Variants in SYT10 observed in about 807,000 individuals in gnomAD.
The protein encoded by SYT10 is synaptotagmin 10.
Under a neutral mutation model 51.1 loss-of-function variants are expected in SYT10, and 31 were observed. The ratio of observed to expected loss-of-function variants is 0.61; its 90% CI spans 0.46 to 0.82. SYT10 has a LOEUF of 0.82. SYT10 is among the 40% of genes least tolerant of loss of function. The probability of loss-of-function intolerance (pLI) is 0.00; values close to 1 mark genes in which losing one functional copy is unlikely to be tolerated. For missense variants in SYT10, 603 were observed against 634.0 expected (o/e 0.95, Z 0.53); for synonymous variants, 233 against 225.9 (o/e 1.03, Z -0.28).
chr12:33,421,392 T>C (rs998715675), intron 2 of SYT10, among the ~76,000 whole-genome samples: 1 of 152,198 alleles, frequency 6.6e-6, no homozygotes, highest in Admixed American at 6.5e-5. Context: ...TAATTCCTCA[T>C]CCTCAACAAA....
intron 2 of SYT10, among the ~76,000 whole-genome samples, chr12:33,422,471 C>T (rs1866513572): frequency 6.6e-6 from 1 of 152,052 alleles, no homozygotes; most frequent in African/African-American, 2.4e-5. Flanking sequence ...TAACACTTAC[C>T]CACAGAACTC....
intron 2 of SYT10, chr12:33,424,123 T>C: frequency 2.9e-6 from 1 of 345,792 alleles, no homozygotes; most frequent in Middle Eastern, 3.9e-4. Context: ...ATATATACAA[T>C]CTAACTTTTA....
chr12:33,393,792 A>G (rs1866230495), intron 3 of SYT10, among the ~76,000 whole-genome samples: 1 of 152,106 alleles, frequency 6.6e-6, no homozygotes, highest in Admixed American at 6.5e-5. Context: ...TGAGCACTCT[A>G]TCTAGGGTGG....
Position 33,382,378 on chromosome 12 carries a change from G to C in SYT10, c.1341C>G (p.Ser447Arg). ...CGTAATCCATGACCGCAATGGAGAG[G>C]CTGACCTGGTCCACGTTCTCTGGAG... Reference protein sequence around the residue: ...DIPPENVDQVSLSIAVMDYDR... With the variant: ...DIPPENVDQVRLSIAVMDYDR... Residue 447 changes from serine (S) to arginine (R), a missense_variant, in exon 5 of 7, where the codon AGC (serine) becomes AGG (arginine). Ser to Arg is a moderately radical substitution (Grantham distance 110). Coordinates refer to ENST00000228567, the MANE Select transcript of SYT10 (RefSeq NM_198992.4). 1 of 1,611,506 alleles carries C rather than the reference G, an allele frequency of 6.2e-7. No homozygotes were observed. Among genetic ancestry groups the C allele is most frequent in the Non-Finnish European group, 8.5e-7 (1 of 1,178,752 alleles).
intron 1 of SYT10, among the ~76,000 whole-genome samples, chr12:33,431,609 A>T (rs1055771774): frequency 6.6e-6 from 1 of 152,294 alleles, no homozygotes; most frequent in Non-Finnish European, 1.5e-5. Flanking sequence ...GCATTTTTGA[A>T]ATCAGAATGT....
chr12:33,405,489 A>G lies in SYT10; in HGVS notation c.1077+1300T>C, dbSNP rs566767666. On this transcript the variant is annotated intron_variant, in intron 3 of 6. Transcript: ENST00000228567. ...AAATCCAACAACCAAAAATGTTATA[A>G]TGCTGGAATACAATATTGAACTGGC... is the stretch of plus-strand genomic sequence containing the variant. 1.6e-4 allele frequency: 25 copies of G among 152,208 alleles called. 1 individual carries two copies. In the South Asian group the frequency reaches 5.2e-3, roughly 32 times the overall value. 9.4% of individuals were successfully genotyped at this position (152,208 alleles called of 1,614,324 possible).
At chr12:33,434,325 A>T (rs1338462104) in intron 1 of SYT10, among the ~76,000 whole-genome samples, 1 of 152,204 alleles carries the variant, frequency 6.6e-6, no homozygotes. Flanking sequence ...TGCTATTATC[A>T]TAAACTAGAT....
chr12:33,414,202 CAA>C (rs1176972728), intron 2 of SYT10, among the ~76,000 whole-genome samples: 1 of 152,138 alleles, frequency 6.6e-6, no homozygotes, highest in Non-Finnish European at 1.5e-5. Flanking sequence ...TAGAAACATA[CAA>C]AGAGACTTAG....
intron 3 of SYT10, among the ~76,000 whole-genome samples, chr12:33,386,585 T>C (rs1866158702): frequency 1.3e-5 from 2 of 152,152 alleles, no homozygotes; most frequent in African/African-American, 4.8e-5. Flanking sequence ...ATCTCTGCAG[T>C]GGGGTCTTCT....
chr12:33,396,762 C>A (rs1397498233), intron 3 of SYT10, among the ~76,000 whole-genome samples: 1 of 151,618 alleles, frequency 6.6e-6, no homozygotes, highest in Non-Finnish European at 1.5e-5. Context: ...TGGCTCACTG[C>A]AACCTCCACC....
At chr12:33,404,486 G>A (rs1866334632) in intron 3 of SYT10, among the ~76,000 whole-genome samples, 1 of 152,086 alleles carries the variant, frequency 6.6e-6, no homozygotes, top group Non-Finnish European at 1.5e-5. Context: ...CCGCCTCCCG[G>A]GTTCAAGCAA....
rs569775947 is a variant in SYT10 at position 33,374,787 on chromosome 12, G to C, written c.*2043C>G. ...AATGGTTCACATTTTTTCATCACAA[G>C]CATTGGCTTTTTCTCCTTAGGGAGT... On this transcript the variant is annotated 3_prime_UTR_variant, in exon 7 of 7. Transcript: ENST00000228567. 1 of 151,892 alleles carries C rather than the reference G, an allele frequency of 6.6e-6. No individual in the cohort carries two copies. Among genetic ancestry groups the C allele is most frequent in the Non-Finnish European group, 1.5e-5 (1 of 67,836 alleles). 9.4% of individuals were successfully genotyped at this position (151,892 alleles called of 1,614,324 possible).
At position 33,412,722 on chromosome 12, in the gene SYT10, C is replaced by A. The variant is rs150887231; in HGVS notation, c.510-5366G>T. 7.0e-3 allele frequency among the ~76,000 whole-genome samples: 1,067 copies of A among 152,156 alleles called. 14 individuals carry two copies. The highest frequency in any genetic ancestry group is 0.025 in the African/African-American group (1,025 of 41,504). On this transcript the variant is annotated intron_variant, in intron 2 of 6. Transcript: ENST00000228567. ...CAAAGACCAAAGGTAGATAAAACCA[C>A]AAAGATGGGGAAAAAACAGAGCAGA...
intron 3 of SYT10, among the ~76,000 whole-genome samples, chr12:33,394,367 G>T (rs139298365): frequency 6.6e-6 from 1 of 152,176 alleles, no homozygotes; most frequent in African/African-American, 2.4e-5. Flanking sequence ...TTTAGGAAAA[G>T]AGTTAAGGCA....
In SYT10 at chr12:33,407,023, C is replaced by G; in HGVS notation, c.843G>C (p.Lys281Asn). Residue 281 changes from lysine to asparagine, a missense_variant, in exon 3 of 7, where the codon AAG becomes AAC. Transcript: ENST00000228567. Reference protein sequence around the residue: ...VKMYLLPDRKKKFQTRVHRKT... With the variant: ...VKMYLLPDRKNKFQTRVHRKT... ...TTCTGTGCACGCGGGTCTGAAATTT[C>G]TTTTTCCTATCTGGAAGAAGATACA... The G allele has an allele frequency of 6.2e-7, 1 of 1,614,116 alleles. No individual in the cohort carries two copies. The highest frequency in any genetic ancestry group is 8.5e-7 in the Non-Finnish European group (1 of 1,180,014).
chr12:33,400,882 T>C (rs1237823062), intron 3 of SYT10, among the ~76,000 whole-genome samples: 9 of 151,968 alleles, frequency 5.9e-5, no homozygotes, highest in African/African-American at 1.9e-4. Context: ...AAAAATTAGC[T>C]GGGCATGGTA....
intron 2 of SYT10, among the ~76,000 whole-genome samples, chr12:33,419,756 T>TA (rs1450790614): frequency 1.3e-5 from 2 of 152,236 alleles, no homozygotes; most frequent in African/African-American, 4.8e-5. Flanking sequence ...AATGAATGTA[T>TA]ATGAAGTAAT....
At chr12:33,396,685 C>A (rs550651410) in intron 3 of SYT10, among the ~76,000 whole-genome samples, 188 of 151,606 alleles carry the variant, frequency 1.2e-3, no homozygotes, top group Non-Finnish European at 2.4e-3. Flanking sequence ...TGTGGAATTC[C>A]ACTTTTTTTT....
At chr12:33,394,561 T>C (rs1277150619) in intron 3 of SYT10, among the ~76,000 whole-genome samples, 6 of 152,250 alleles carry the variant, frequency 3.9e-5, no homozygotes, top group Non-Finnish European at 8.8e-5. Flanking sequence ...TTAGAAACTT[T>C]AAATTTTACA....
Sources: gnomAD v4.1 joint callset for allele counts (sites outside exome capture counted in the v4.1 genomes callset) on GRCh38, gnomAD v4.1.1 for gene constraint, MANE v1.5 for transcripts, NCBI Gene and HGNC (gene_info 2026-07-23, HGNC 2026-07-21) for gene names.